The following SKAP1 variants were observed in gnomAD, a reference collection of about 807,000 sequenced individuals.
The protein encoded by SKAP1 is src kinase associated phosphoprotein 1, also known as src kinase-associated phosphoprotein 1.
In SKAP1, 44 loss-of-function variants were observed where a neutral mutation model predicts 58.5. The observed-to-expected ratio is 0.75, with a 90% confidence interval of 0.59 to 0.97. The LOEUF (loss-of-function observed/expected upper bound fraction) is 0.97. SKAP1 is among the 50% of genes least tolerant of loss of function. The probability of loss-of-function intolerance (pLI) is 0.00; values close to 1 mark genes in which losing one functional copy is unlikely to be tolerated. For synonymous variants in SKAP1, 127 were observed against 149.7 expected, an observed-to-expected ratio of 0.85 and a Z score of 1.11; for missense variants, 390 against 435.2, an observed-to-expected ratio of 0.90 and a Z score of 0.92.
intron 4 of SKAP1, among the ~76,000 whole-genome samples, chr17:48,252,298 G>C (rs1294867694): frequency 1.3e-5 from 2 of 152,150 alleles, no homozygotes; most frequent in African/African-American, 4.8e-5. Context: ...TTATAGGACA[G>C]GAAGACACAG....
At chr17:48,201,787 G>T (rs1425120992) in intron 4 of SKAP1, among the ~76,000 whole-genome samples, 1 of 152,144 alleles carries the variant, frequency 6.6e-6, no homozygotes, top group Non-Finnish European at 1.5e-5. Flanking sequence ...CCAGAACAGG[G>T]TTCAGAAGAA....
chr17:48,145,166 G>C (rs575829178), intron 11 of SKAP1, among the ~76,000 whole-genome samples: 1 of 152,052 alleles, frequency 6.6e-6, no homozygotes, highest in South Asian at 2.1e-4. Flanking sequence ...AATATTTCTA[G>C]GTTTGACTAA....
chr17:48,356,206 C>T (rs189761000), intron 3 of SKAP1, among the ~76,000 whole-genome samples: 3 of 148,278 alleles, frequency 2.0e-5, no homozygotes, highest in African/African-American at 7.4e-5. Flanking sequence ...GTGAGTGAGT[C>T]GAGATCAAGC....
At chr17:48,364,429 C>A (rs756244394) in intron 2 of SKAP1, among the ~76,000 whole-genome samples, 1 of 152,340 alleles carries the variant, frequency 6.6e-6, no homozygotes, top group East Asian at 1.9e-4. Flanking sequence ...GTAATCCCAG[C>A]ACTTTGGGAG....
chr17:48,353,963 G>T (rs943037115), intron 3 of SKAP1, among the ~76,000 whole-genome samples: 2 of 151,048 alleles, frequency 1.3e-5, no homozygotes, highest in Non-Finnish European at 3.0e-5. Flanking sequence ...AGAAGAAGAG[G>T]AAGAAAAAGA....
chr17:48,301,862 T>C (rs1365793079), intron 4 of SKAP1, among the ~76,000 whole-genome samples: 1 of 152,184 alleles, frequency 6.6e-6, no homozygotes, highest in Non-Finnish European at 1.5e-5. Context: ...GTAGTCTCAG[T>C]GCTACAACTG....
At chr17:48,284,767 C>G (rs1221803461) in intron 4 of SKAP1, among the ~76,000 whole-genome samples, 1 of 152,150 alleles carries the variant, frequency 6.6e-6, no homozygotes, top group African/African-American at 2.4e-5. Context: ...CAGACTTTAG[C>G]CAAGTCTGGG....
chr17:48,386,081 G>T (rs2067272504), intron 2 of SKAP1, among the ~76,000 whole-genome samples: 1 of 152,062 alleles, frequency 6.6e-6, no homozygotes, highest in Non-Finnish European at 1.5e-5. Context: ...TGAAGAGATG[G>T]ATGCCTTGGT....
At chr17:48,204,981 C>CTTTCTTTCTTTCTTTCT (rs2064781415) in intron 4 of SKAP1, among the ~76,000 whole-genome samples, 1 of 57,034 alleles carries the variant, frequency 1.8e-5, no homozygotes, top group Non-Finnish European at 3.9e-5. Flanking sequence ...TCTTTTCTTT[C>CTTTCTTTCTTTCTTTCT]TTTCTTTCTT....
intron 4 of SKAP1, among the ~76,000 whole-genome samples, chr17:48,321,648 G>A (rs1002479123): frequency 2.0e-5 from 3 of 152,046 alleles, no homozygotes; most frequent in African/African-American, 7.2e-5. Flanking sequence ...AAAGTGCTGG[G>A]ATTACAGGCG....
intron 4 of SKAP1, among the ~76,000 whole-genome samples, chr17:48,250,272 GTTTTTTTTT>G (rs755523173): frequency 9.2e-4 from 68 of 74,046 alleles, no homozygotes; most frequent in African/African-American, 3.3e-3. Flanking sequence ...GCCATAGACA[GTTTTTTTTT>G]TTTTTTTTTT....
intron 9 of SKAP1, among the ~76,000 whole-genome samples, chr17:48,178,915 T>G (rs1177198335): frequency 6.6e-6 from 1 of 152,066 alleles, no homozygotes; most frequent in East Asian, 1.9e-4. Context: ...GGAGGGTGGG[T>G]GAAGTCCCCA....
intron 4 of SKAP1, among the ~76,000 whole-genome samples, chr17:48,256,306 T>C (rs2065423224): frequency 1.3e-5 from 2 of 152,122 alleles, no homozygotes; most frequent in South Asian, 2.1e-4. Flanking sequence ...TGATATTACA[T>C]ACAGACTGAA....
intron 3 of SKAP1, among the ~76,000 whole-genome samples, chr17:48,362,107 A>T (rs935974401): frequency 2.0e-5 from 3 of 152,232 alleles, no homozygotes; most frequent in Non-Finnish European, 4.4e-5. Context: ...ATTGTCAAGA[A>T]GCAAATACAG....
chr17:48,164,775 C>T (rs1011462786), intron 10 of SKAP1, among the ~76,000 whole-genome samples: 3 of 152,178 alleles, frequency 2.0e-5, no homozygotes, highest in African/African-American at 7.2e-5. Context: ...GGGCTAAAAA[C>T]TGGGAAAAGT....
chr17:48,156,038 C>T (rs1213597768), intron 11 of SKAP1, among the ~76,000 whole-genome samples: 1 of 152,202 alleles, frequency 6.6e-6, no homozygotes, highest in African/African-American at 2.4e-5. Context: ...TTGTTGAACC[C>T]CTGCCAAGTA....
intron 11 of SKAP1, among the ~76,000 whole-genome samples, chr17:48,156,766 T>C (rs2143216042): frequency 6.6e-6 from 1 of 152,308 alleles, no homozygotes; most frequent in African/African-American, 2.4e-5. Context: ...GTTTCAGAGT[T>C]TGGATGTGTG....
At chr17:48,291,523 C>T (rs2065896147) in intron 4 of SKAP1, among the ~76,000 whole-genome samples, 2 of 152,202 alleles carry the variant, frequency 1.3e-5, no homozygotes, top group Admixed American at 1.3e-4. Context: ...AACGCAGATT[C>T]CAATGATAAG....
At chr17:48,264,065 T>TA (rs1567843797) in intron 4 of SKAP1, among the ~76,000 whole-genome samples, 2 of 151,336 alleles carry the variant, frequency 1.3e-5, no homozygotes, top group Non-Finnish European at 1.5e-5. Flanking sequence ...TTTTTTTTTT[T>TA]ATCTAACTTA....
Sources: gnomAD v4.1 joint callset for allele counts (sites outside exome capture counted in the v4.1 genomes callset) on GRCh38, gnomAD v4.1.1 for gene constraint, MANE v1.5 for transcripts, NCBI Gene and HGNC (gene_info 2026-07-23, HGNC 2026-07-21) for gene names.